The following DCC variants were observed in gnomAD, a reference collection of about 807,000 sequenced individuals.
DCC encodes the protein netrin receptor DCC.
Under a neutral mutation model 172.5 loss-of-function variants are expected in DCC, and 58 were observed. That is an observed-to-expected ratio of 0.34 (90% CI 0.27 to 0.42). The LOEUF (loss-of-function observed/expected upper bound fraction) is 0.42, where lower values mean the gene tolerates loss of function less well. DCC is among the 10% of genes least tolerant of loss of function. The pLI is 1.00. For missense variants in DCC, 1,740 were observed against 1,791.0 expected, an observed-to-expected ratio of 0.97 and a Z score of 0.51; for synonymous variants, 709 against 644.5, an observed-to-expected ratio of 1.10 and a Z score of -1.52.
In DCC at chr18:53,300,961, C is replaced by CTTTCTTTCTTTCTTTCTTT. The variant is rs1568039988; in HGVS notation, c.1912-4617_1912-4616insTTTCTTTCTTTCTTTCTTT. Among the ~76,000 whole-genome samples the CTTTCTTTCTTTCTTTCTTT allele has an allele frequency of 1.6e-5, 2 of 128,030 alleles. 1 individual carries two copies. The highest frequency in any genetic ancestry group is 3.3e-5 in the Non-Finnish European group (2 of 60,826). The allele number at this position is 128,030 out of a possible 152,430, so 84.0% of individuals were successfully genotyped here. A position where few individuals can be genotyped will look rare whatever the true frequency, so the allele number is the denominator to read the frequency against. On this transcript the variant is annotated intron_variant, in intron 12 of 28. Transcript: ENST00000442544. ...CATTATTTGACGTTGGTTCTGGATT[C>CTTTCTTTCTTTCTTTCTTT]ATTCTTTCTTTCTTTCTTTCTTTCT...
At chr18:52,696,538 C>T (rs2036014691) in intron 1 of DCC, among the ~76,000 whole-genome samples, 1 of 152,190 alleles carries the variant, frequency 6.6e-6, no homozygotes, top group Non-Finnish European at 1.5e-5. Flanking sequence ...CTTCTACAAA[C>T]ACTTACTGAG....
intron 7 of DCC, among the ~76,000 whole-genome samples, chr18:53,099,212 T>G (rs1437908259): frequency 6.6e-6 from 1 of 152,140 alleles, no homozygotes; most frequent in South Asian, 2.1e-4. Context: ...GTTTGTCTCC[T>G]GAAAGAAGAA....
intron 1 of DCC, among the ~76,000 whole-genome samples, chr18:52,624,902 C>A (rs2034545416): frequency 6.6e-6 from 1 of 152,082 alleles, no homozygotes; most frequent in African/African-American, 2.4e-5. Flanking sequence ...CATAGAGTTG[C>A]CTATGAATGG....
At chr18:52,771,305 G>A (rs1025135960) in intron 2 of DCC, among the ~76,000 whole-genome samples, 3 of 152,314 alleles carry the variant, frequency 2.0e-5, no homozygotes, top group Admixed American at 2.0e-4. Flanking sequence ...AATGAGTAAT[G>A]TAATTATTTT....
intron 1 of DCC, among the ~76,000 whole-genome samples, chr18:52,645,988 A>G (rs916568101): frequency 2.0e-5 from 3 of 152,202 alleles, no homozygotes; most frequent in Admixed American, 2.0e-4. Context: ...GCTACAAAGG[A>G]AAAAAGGAAA....
chr18:52,652,283 T>C (rs1316940381), intron 1 of DCC, among the ~76,000 whole-genome samples: 1 of 152,168 alleles, frequency 6.6e-6, no homozygotes, highest in Non-Finnish European at 1.5e-5. Context: ...GAGACTAGGT[T>C]GCTGTGTGCT....
intron 5 of DCC, among the ~76,000 whole-genome samples, chr18:53,030,818 T>C (rs765991606): frequency 6.6e-6 from 1 of 152,190 alleles, no homozygotes; most frequent in Non-Finnish European, 1.5e-5. Flanking sequence ...AAATGCATTC[T>C]TAGGAGAAAC....
At chr18:52,640,321 A>G (rs1238109107) in intron 1 of DCC, among the ~76,000 whole-genome samples, 3 of 152,178 alleles carry the variant, frequency 2.0e-5, no homozygotes, top group Non-Finnish European at 2.9e-5. Context: ...ACCCACTCTC[A>G]TGACCCCTCT....
intron 7 of DCC, among the ~76,000 whole-genome samples, chr18:53,112,893 C>T (rs772505029): frequency 4.6e-5 from 7 of 151,474 alleles, no homozygotes; most frequent in Admixed American, 6.6e-5. Context: ...GTCATTAGTA[C>T]TTATAAGCCT....
chr18:52,895,812 T>C (rs1417075926), intron 2 of DCC, among the ~76,000 whole-genome samples: 2 of 152,210 alleles, frequency 1.3e-5, no homozygotes, highest in Admixed American at 6.5e-5. Context: ...TGGGACAGAC[T>C]GTTGCTGTGT....
Position 52,540,597 on chromosome 18 carries a change from C to CTTTTTT in DCC, c.91+199741_91+199746dup, listed in dbSNP as rs71175505. Among the ~76,000 whole-genome samples, 16 of 67,488 alleles carry CTTTTTT rather than the reference C, an allele frequency of 2.4e-4. 3 individuals are homozygous for CTTTTTT. Among genetic ancestry groups the CTTTTTT allele is most frequent in the East Asian group, 5.1e-4 (1 of 1,944 alleles). The allele number at this position is 67,488 out of a possible 152,430, so 44.3% of individuals were successfully genotyped here. A position where few individuals can be genotyped will look rare whatever the true frequency, so the allele number is the denominator to read the frequency against. ...ACTACCGTTAGGTGTATTCAACTGCCTTTTTTTTTTTTTTTTTTTTTTTTT... is the reference window on the plus strand; with the variant it reads ...ACTACCGTTAGGTGTATTCAACTGCCTTTTTTTTTTTTTTTTTTTTTTTTTTTTTTT... On this transcript the variant is annotated intron_variant, in intron 1 of 28. Transcript: ENST00000442544.
chr18:52,882,299 C>G lies in DCC; in HGVS notation c.413-23745C>G, dbSNP rs546185180. 2.0e-5 allele frequency among the ~76,000 whole-genome samples: 3 copies of G among 152,000 alleles called. No homozygotes were observed. The East Asian group carries it at 5.8e-4, about 29-fold the overall frequency. ...TTTATAGGGATCCTTTAGGTTTTTA[C>G]AAATATAAGATCATTTCATCTGGAA... On this transcript the variant is annotated intron_variant, in intron 2 of 28. Coordinates refer to ENST00000442544, the MANE Select transcript of DCC (RefSeq NM_005215.4).
chr18:52,398,637 A>G (rs1296117466), intron 1 of DCC, among the ~76,000 whole-genome samples: 1 of 151,986 alleles, frequency 6.6e-6, no homozygotes, highest in Non-Finnish European at 1.5e-5. Context: ...CTCTTAAAGA[A>G]TTTATGATTT....
At chr18:52,357,033 C>T (rs1024365987) in intron 1 of DCC, among the ~76,000 whole-genome samples, 2 of 152,114 alleles carry the variant, frequency 1.3e-5, no homozygotes, top group African/African-American at 4.8e-5. Flanking sequence ...GAAATGTCCA[C>T]CTTGGCCTCC....
chr18:53,385,893 GC>G, intron 15 of DCC, 149 bp from the exon 16 acceptor site: 1 of 675,320 alleles, frequency 1.5e-6, no homozygotes, highest in Non-Finnish European at 2.7e-6. Flanking sequence ...ACCACCCACT[GC>G]CACTTTCCTT....
At chr18:52,869,952 C>CT (rs1281266484) in intron 2 of DCC, among the ~76,000 whole-genome samples, 2 of 152,196 alleles carry the variant, frequency 1.3e-5, no homozygotes, top group African/African-American at 4.8e-5. Flanking sequence ...GAGGGCAGGG[C>CT]TACAGCCCCA....
chr18:52,833,335 G>A (rs2038649826), intron 2 of DCC, among the ~76,000 whole-genome samples: 1 of 152,136 alleles, frequency 6.6e-6, no homozygotes, highest in Admixed American at 6.6e-5. Context: ...TTTGTAGCCA[G>A]CTGTTTTGAA....
intron 5 of DCC, among the ~76,000 whole-genome samples, chr18:52,928,359 A>G (rs1443326918): frequency 1.3e-5 from 2 of 152,158 alleles, no homozygotes; most frequent in African/African-American, 2.4e-5. Flanking sequence ...GGATGACAAA[A>G]TAATCTGTAC....
chr18:53,305,931 A>G (rs142815226), intron 13 of DCC, among the ~76,000 whole-genome samples: 1 of 152,352 alleles, frequency 6.6e-6, no homozygotes, highest in East Asian at 1.9e-4. Flanking sequence ...CATCGTCTTA[A>G]TACATGTATC....
Sources: allele counts gnomAD v4.1 joint callset (sites outside exome capture counted in the v4.1 genomes callset), GRCh38; gene constraint gnomAD v4.1.1; transcripts MANE v1.5; gene names NCBI Gene and HGNC (gene_info 2026-07-23, HGNC 2026-07-21).